Variants in RBFOX1 observed in about 807,000 individuals in gnomAD.
RBFOX1 encodes RNA binding protein fox-1 homolog 1.
In RBFOX1, 8 loss-of-function variants were observed where a neutral mutation model predicts 57.7. The observed-to-expected ratio is 0.14, with a 90% CI of 0.08 to 0.25. RBFOX1 has a LOEUF of 0.25. Among genes scored for constraint, RBFOX1 ranks in the 10% least tolerant of loss-of-function variants. RBFOX1 has a pLI of 1.00. For missense variants in RBFOX1, 611 were observed against 548.5 expected, an observed-to-expected ratio of 1.11 and a Z score of -1.14; for synonymous variants, 326 against 222.4, an observed-to-expected ratio of 1.47 and a Z score of -4.15.
At chr16:7,163,128 G>A (rs1004886299) in intron 4 of RBFOX1, among the ~76,000 whole-genome samples, 2 of 152,282 alleles carry the variant, frequency 1.3e-5, no homozygotes, top group African/African-American at 4.8e-5. Context: ...TGCATCTGCA[G>A]CTCAACACTT....
rs531687983 is a variant in RBFOX1 at position 6,267,379 on chromosome 16, A to C, written c.-126-49616A>C. ...TCTCCTGATAAACCCCGATTTCACT[A>C]TCTCCTATGTGTCCCTCCTCTTCTG... is the stretch of plus-strand genomic sequence containing the variant. On this transcript the variant is annotated intron_variant, in intron 1 of 15. Transcript: ENST00000550418. 4.6e-5 allele frequency among the ~76,000 whole-genome samples: 7 copies of C among 152,274 alleles called. No homozygotes were observed. In the East Asian group the frequency reaches 1.4e-3, roughly 29 times the overall value.
At chr16:7,038,378 T>C (rs2045161248) in intron 3 of RBFOX1, among the ~76,000 whole-genome samples, 1 of 152,174 alleles carries the variant, frequency 6.6e-6, no homozygotes, top group Non-Finnish European at 1.5e-5. Flanking sequence ...CTGAAACAAA[T>C]AGAAATCATC....
chr16:6,067,693 G>C (rs1474181111), intron 1 of RBFOX1, among the ~76,000 whole-genome samples: 2 of 152,128 alleles, frequency 1.3e-5, no homozygotes, highest in Non-Finnish European at 2.9e-5. Flanking sequence ...GTTGCTGAGG[G>C]CTAAATCCAT....
intron 2 of RBFOX1, chr16:6,577,275 T>A (rs1334131287): frequency 6.6e-6 from 1 of 152,216 alleles, no homozygotes; most frequent in Non-Finnish European, 1.5e-5. Context: ...AACATCATAC[T>A]AATGGAACAC....
At chr16:6,300,317 T>A (rs1279756853) in intron 1 of RBFOX1, among the ~76,000 whole-genome samples, 1 of 152,026 alleles carries the variant, frequency 6.6e-6, no homozygotes, top group Non-Finnish European at 1.5e-5. Context: ...ACTAAAAGAG[T>A]ACGTTTTAAG....
chr16:5,740,102 G>C (rs1394445561), intron 3 of RBFOX1, among the ~76,000 whole-genome samples: 1 of 152,164 alleles, frequency 6.6e-6, no homozygotes. Flanking sequence ...CCTCGTCCTG[G>C]GAATAGAGAG....
intron 3 of RBFOX1, among the ~76,000 whole-genome samples, chr16:5,737,343 G>C (rs2052613811): frequency 6.6e-6 from 1 of 152,000 alleles, no homozygotes; most frequent in Non-Finnish European, 1.5e-5. Context: ...AAGTTACCCA[G>C]GCGTGGTGGC....
chr16:6,215,139 G>C (rs1375478877), intron 1 of RBFOX1, among the ~76,000 whole-genome samples: 2 of 128,550 alleles, frequency 1.6e-5, no homozygotes, highest in Non-Finnish European at 3.3e-5. Flanking sequence ...AAGGAGAAGA[G>C]AAGAAGGAGA....
chr16:6,916,500 T>A (rs1043764933), intron 3 of RBFOX1, among the ~76,000 whole-genome samples: 3 of 152,000 alleles, frequency 2.0e-5, no homozygotes, highest in East Asian at 1.9e-4. Context: ...TTTTTTTTTT[T>A]AATTGTCATT....
chr16:5,941,137 G>T (rs375409666), intron 4 of RBFOX1, among the ~76,000 whole-genome samples: 6 of 152,088 alleles, frequency 3.9e-5, no homozygotes, highest in Non-Finnish European at 7.4e-5. Context: ...AACAAAAAGC[G>T]TTCAAATAAG....
At chr16:7,392,066 C>G (rs904662228) in intron 4 of RBFOX1, among the ~76,000 whole-genome samples, 2 of 152,344 alleles carry the variant, frequency 1.3e-5, no homozygotes, top group East Asian at 3.9e-4. Context: ...AATACTTAAG[C>G]CAGGCCAGAA....
At chr16:5,886,453 T>A (rs1208936484) in intron 4 of RBFOX1, among the ~76,000 whole-genome samples, 1 of 152,220 alleles carries the variant, frequency 6.6e-6, no homozygotes, top group East Asian at 1.9e-4. Context: ...TATGAATTCT[T>A]CTGAAATTGT....
At chr16:5,782,403 T>C (rs1218658370) in intron 3 of RBFOX1, among the ~76,000 whole-genome samples, 1 of 152,212 alleles carries the variant, frequency 6.6e-6, no homozygotes, top group Non-Finnish European at 1.5e-5. Flanking sequence ...CAAGCTCTTT[T>C]ATAATGACAT....
intron 2 of RBFOX1, among the ~76,000 whole-genome samples, chr16:6,551,939 A>G (rs1389414083): frequency 6.6e-6 from 1 of 152,176 alleles, no homozygotes; most frequent in Non-Finnish European, 1.5e-5. Context: ...TTTGAGAGTT[A>G]TTTGGATTTC....
chr16:7,071,064 A>G (rs1242025510), intron 4 of RBFOX1, among the ~76,000 whole-genome samples: 2 of 152,190 alleles, frequency 1.3e-5, no homozygotes, highest in African/African-American at 4.8e-5. Context: ...TCACAAGCCT[A>G]TCTTTACTCA....
chr16:5,619,075 C>T (rs897126525), intron 3 of RBFOX1, among the ~76,000 whole-genome samples: 9 of 152,142 alleles, frequency 5.9e-5, no homozygotes, highest in East Asian at 1.9e-4. Context: ...TCACAGTCAC[C>T]GTAGTTTGTG....
intron 3 of RBFOX1, among the ~76,000 whole-genome samples, chr16:6,911,995 TAAGTA>T (rs1319342291): frequency 1.3e-5 from 2 of 152,214 alleles, no homozygotes; most frequent in Non-Finnish European, 2.9e-5. Flanking sequence ...ATAAAGATGT[TAAGTA>T]GAGTAAGATG....
chr16:5,282,518 A>G (rs2063297420), intron 1 of RBFOX1, among the ~76,000 whole-genome samples: 1 of 152,216 alleles, frequency 6.6e-6, no homozygotes, highest in South Asian at 2.1e-4. Context: ...AGTTATATGG[A>G]CAATAAAGTC....
intron 3 of RBFOX1, among the ~76,000 whole-genome samples, chr16:7,039,801 A>G (rs1297191413): frequency 1.3e-5 from 2 of 152,180 alleles, no homozygotes; most frequent in East Asian, 1.9e-4. Flanking sequence ...AAACTCAGGT[A>G]TCTAATAAAC....
Sources: allele counts gnomAD v4.1 joint callset (sites outside exome capture counted in the v4.1 genomes callset), GRCh38; gene constraint gnomAD v4.1.1; transcripts MANE v1.5; gene names NCBI Gene and HGNC (gene_info 2026-07-23, HGNC 2026-07-21).